The following CDH4 variants were observed in gnomAD, a reference collection of about 807,000 sequenced individuals.
CDH4 encodes cadherin 4, also known as cadherin-4.
A neutral mutation model predicts 86.0 loss-of-function variants in CDH4; 33 were observed. The ratio of observed to expected loss-of-function variants is 0.38; its 90% CI spans 0.29 to 0.51. CDH4 has a LOEUF of 0.51. Among genes scored for constraint, CDH4 ranks in the 20% least tolerant of loss-of-function variants. The pLI, the probability that CDH4 is intolerant of heterozygous loss-of-function variation, is 0.86. For missense variants in CDH4, 1,114 were observed against 1,307.4 expected (o/e 0.85, Z 2.28); for synonymous variants, 555 against 549.4 (o/e 1.01, Z -0.14).
intron 2 of CDH4, among the ~76,000 whole-genome samples, chr20:61,620,221 GGTAGGCAGACAGACAGACATA>G (rs2086763173): frequency 7.1e-6 from 1 of 141,598 alleles, no homozygotes; most frequent in Non-Finnish European, 1.6e-5. Flanking sequence ...CAGGCAGGCT[GGTAGGCAGACAGACAGACATA>G]GATGGGTAGA....
chr20:61,577,353 GA>G (rs1335250265), intron 2 of CDH4, among the ~76,000 whole-genome samples: 1 of 152,082 alleles, frequency 6.6e-6, no homozygotes, highest in African/African-American at 2.4e-5. Context: ...AGGATGAGTG[GA>G]TGTTTTGTGT....
intron 2 of CDH4, among the ~76,000 whole-genome samples, chr20:61,367,613 A>G (rs1481547787): frequency 6.6e-6 from 1 of 152,118 alleles, no homozygotes; most frequent in Admixed American, 6.5e-5. Context: ...CATAACCTCC[A>G]GAATAAACAG....
intron 2 of CDH4, among the ~76,000 whole-genome samples, chr20:61,405,279 T>C (rs1016131343): frequency 1.3e-5 from 2 of 150,308 alleles, no homozygotes; most frequent in African/African-American, 2.5e-5. Flanking sequence ...GATTCCGTAA[T>C]CCCCCTCCTG....
chr20:61,605,444 T>C (rs2086636004), intron 2 of CDH4, among the ~76,000 whole-genome samples: 1 of 152,008 alleles, frequency 6.6e-6, no homozygotes, highest in Non-Finnish European at 1.5e-5. Flanking sequence ...TGTCTCCCTC[T>C]CTCTCTTTCT....
chr20:61,695,954 C>T (rs1040541277), intron 2 of CDH4, among the ~76,000 whole-genome samples: 4 of 152,180 alleles, frequency 2.6e-5, no homozygotes, highest in Non-Finnish European at 5.9e-5. Flanking sequence ...CTCAGGCACC[C>T]GACCAGCCCC....
intron 2 of CDH4, among the ~76,000 whole-genome samples, chr20:61,259,517 T>C (rs1340776548): frequency 1.3e-5 from 2 of 152,216 alleles, no homozygotes; most frequent in Non-Finnish European, 2.9e-5. Context: ...AGCCGGAAAA[T>C]ACTGACACTG....
chr20:61,513,336 G>A (rs1354347239), intron 2 of CDH4, among the ~76,000 whole-genome samples: 1 of 152,236 alleles, frequency 6.6e-6, no homozygotes, highest in Non-Finnish European at 1.5e-5. Context: ...CAGCACGACT[G>A]CGGGGGCTAA....
At chr20:61,533,710 C>T (rs576364594) in intron 2 of CDH4, among the ~76,000 whole-genome samples, 20 of 152,202 alleles carry the variant, frequency 1.3e-4, no homozygotes, top group Non-Finnish European at 2.5e-4. Flanking sequence ...CTAGATGGGC[C>T]CCCACTCTTC....
chr20:61,530,295 A>G (rs1600732864), intron 2 of CDH4, among the ~76,000 whole-genome samples: 1 of 152,220 alleles, frequency 6.6e-6, no homozygotes. Flanking sequence ...CTCCCAAAGC[A>G]CTGGGATTAT....
chr20:61,664,641 T>C (rs1045568922), intron 2 of CDH4, among the ~76,000 whole-genome samples: 1 of 152,240 alleles, frequency 6.6e-6, no homozygotes. Context: ...CTCCCTGAGA[T>C]GCTTGTGTTC....
At chr20:61,413,201 CT>C (rs1355650514) in intron 2 of CDH4, among the ~76,000 whole-genome samples, 4 of 142,162 alleles carry the variant, frequency 2.8e-5, no homozygotes, top group Non-Finnish European at 6.2e-5. Flanking sequence ...CCCCCCACCC[CT>C]GGCCCATGCT....
chr20:61,317,513 G>A (rs1344860978), intron 2 of CDH4, among the ~76,000 whole-genome samples: 4 of 152,202 alleles, frequency 2.6e-5, no homozygotes, highest in East Asian at 3.9e-4. Context: ...CCCAGCTCAC[G>A]TGCCTGCCAA....
At chr20:61,262,137 G>A (rs984213470) in intron 2 of CDH4, among the ~76,000 whole-genome samples, 6 of 152,216 alleles carry the variant, frequency 3.9e-5, no homozygotes, top group Admixed American at 2.0e-4. Flanking sequence ...TGGGGCACCA[G>A]GAACCTTAGT....
chr20:61,449,918 C>T (rs2085370882), intron 2 of CDH4, among the ~76,000 whole-genome samples: 1 of 152,176 alleles, frequency 6.6e-6, no homozygotes, highest in Non-Finnish European at 1.5e-5. Flanking sequence ...TTCAATTATC[C>T]TATCATCAGA....
intron 2 of CDH4, among the ~76,000 whole-genome samples, chr20:61,653,551 T>C (rs2087149777): frequency 1.5e-5 from 2 of 132,672 alleles, no homozygotes; most frequent in South Asian, 2.5e-4. Context: ...ACGGGGTGGC[T>C]GGCCAGGCGG....
chr20:61,292,392 G>T (rs1471976811), intron 2 of CDH4, among the ~76,000 whole-genome samples: 2 of 152,232 alleles, frequency 1.3e-5, no homozygotes, highest in Non-Finnish European at 2.9e-5. Context: ...TCCTTTTTGA[G>T]TGGGCACTGC....
intron 3 of CDH4, among the ~76,000 whole-genome samples, chr20:61,770,896 A>C (rs2088767263): frequency 6.6e-6 from 1 of 151,728 alleles, no homozygotes; most frequent in African/African-American, 2.4e-5. Context: ...AAAAAAAAAA[A>C]CACAGAAAGG....
intron 2 of CDH4, among the ~76,000 whole-genome samples, chr20:61,256,361 T>A (rs2084097972): frequency 6.6e-6 from 1 of 152,222 alleles, no homozygotes; most frequent in African/African-American, 2.4e-5. Context: ...CTCAGGCACT[T>A]CAGAAAAATG....
intron 3 of CDH4, among the ~76,000 whole-genome samples, chr20:61,751,662 T>C (rs2088498021): frequency 6.6e-6 from 1 of 152,244 alleles, no homozygotes; most frequent in African/African-American, 2.4e-5. Flanking sequence ...TTTTTACATT[T>C]TTAAATGGTT....
Sources: gnomAD v4.1 joint callset for allele counts (sites outside exome capture counted in the v4.1 genomes callset) on GRCh38, gnomAD v4.1.1 for gene constraint, MANE v1.5 for transcripts, NCBI Gene and HGNC (gene_info 2026-07-23, HGNC 2026-07-21) for gene names.